Variants in PPP1R9A observed in about 807,000 individuals in gnomAD.
The protein encoded by PPP1R9A is neurabin-1.
PPP1R9A carries 59 observed loss-of-function variants against 141.9 expected under a neutral mutation model. The observed-to-expected ratio is 0.42, with a 90% CI of 0.34 to 0.52. The LOEUF (loss-of-function observed/expected upper bound fraction) is 0.52, where lower values mean the gene tolerates loss of function less well. Ranked by LOEUF, PPP1R9A falls within the 20% of genes least tolerant of loss-of-function variation. The pLI is 0.10. For synonymous variants in PPP1R9A, 500 were observed against 569.7 expected (o/e 0.88, Z 1.74); for missense variants, 1,444 against 1,611.9 (o/e 0.90, Z 1.78).
At chr7:95,114,072 T>C (rs1821042216) in intron 3 of PPP1R9A, among the ~76,000 whole-genome samples, 1 of 152,162 alleles carries the variant, frequency 6.6e-6, no homozygotes, top group Non-Finnish European at 1.5e-5. Flanking sequence ...TGGGCCATCA[T>C]ATTACTTATT....
At chr7:95,045,375 A>G (rs950738865) in intron 2 of PPP1R9A, among the ~76,000 whole-genome samples, 2 of 152,218 alleles carry the variant, frequency 1.3e-5, no homozygotes, top group African/African-American at 4.8e-5. Context: ...GCATCCTTAC[A>G]GGGCCTTGTT....
chr7:94,980,676 T>C (rs1309351307), intron 2 of PPP1R9A, among the ~76,000 whole-genome samples: 1 of 151,938 alleles, frequency 6.6e-6, no homozygotes, highest in Non-Finnish European at 1.5e-5. Context: ...AGTCATAACT[T>C]GCTTTTTGAA....
At chr7:94,999,789 A>ATTT (rs1445608825) in intron 2 of PPP1R9A, among the ~76,000 whole-genome samples, 6 of 148,306 alleles carry the variant, frequency 4.0e-5, no homozygotes. Context: ...TTATTTATTT[A>ATTT]TTTATTTATT....
chr7:95,167,769 C>G (rs1225888583), intron 5 of PPP1R9A, among the ~76,000 whole-genome samples: 1 of 151,292 alleles, frequency 6.6e-6, no homozygotes, highest in Non-Finnish European at 1.5e-5. Context: ...AATGAACTAG[C>G]TGAGAAAGAA....
chr7:95,011,982 G>A (rs1218401353), intron 2 of PPP1R9A, among the ~76,000 whole-genome samples: 1 of 152,108 alleles, frequency 6.6e-6, no homozygotes, highest in Non-Finnish European at 1.5e-5. Context: ...GTGCAGAAAG[G>A]TTTTAGTTGA....
intron 2 of PPP1R9A, among the ~76,000 whole-genome samples, chr7:94,915,188 A>G (rs527535918): frequency 6.4e-4 from 97 of 152,360 alleles, no homozygotes; most frequent in Non-Finnish European, 1.2e-3. Context: ...ATAATCAGCA[A>G]GGGCACCAGA....
intron 2 of PPP1R9A, among the ~76,000 whole-genome samples, chr7:94,947,260 C>T (rs1241757771): frequency 6.6e-6 from 1 of 152,138 alleles, no homozygotes; most frequent in African/African-American, 2.4e-5. Context: ...CAGTGCTGGA[C>T]ACTCCTTTAT....
At chr7:95,170,130 GA>G (rs1831885446) in intron 5 of PPP1R9A, among the ~76,000 whole-genome samples, 1 of 151,474 alleles carries the variant, frequency 6.6e-6, no homozygotes, top group African/African-American at 2.4e-5. Flanking sequence ...CAAATATGCA[GA>G]AGAAAAAATT....
intron 7 of PPP1R9A, among the ~76,000 whole-genome samples, chr7:95,207,505 A>G (rs1224516288): frequency 6.6e-6 from 1 of 152,180 alleles, no homozygotes; most frequent in Non-Finnish European, 1.5e-5. Flanking sequence ...GGTCCTAAAC[A>G]AAATATTAGC....
chr7:95,203,530 G>A (rs1790038654), intron 6 of PPP1R9A, 135 bp from the exon 7 acceptor site: 2 of 540,474 alleles, frequency 3.7e-6, no homozygotes, highest in Admixed American at 3.8e-5. Flanking sequence ...TTACCAACAT[G>A]CCGCAATATT....
At chr7:95,072,768 A>G (rs1168663991) in intron 2 of PPP1R9A, among the ~76,000 whole-genome samples, 2 of 105,242 alleles carry the variant, frequency 1.9e-5, no homozygotes, top group African/African-American at 8.0e-5. Context: ...TTAAATATAT[A>G]TATTAAATAT....
At chr7:95,101,348 T>C (rs1563236815) in intron 2 of PPP1R9A, among the ~76,000 whole-genome samples, 1 of 152,342 alleles carries the variant, frequency 6.6e-6, no homozygotes, top group East Asian at 1.9e-4. Context: ...CATTACTAAA[T>C]GATCCTAATA....
At chr7:95,270,557 G>A (rs12536602) in intron 14 of PPP1R9A, among the ~76,000 whole-genome samples, 4,328 of 152,180 alleles carry the variant, frequency 0.028, 88 homozygotes, top group South Asian at 0.045. Flanking sequence ...TCAAATTAGA[G>A]GAAGTAAAAG....
rs1424247133 is a variant in PPP1R9A at position 94,911,325 on chromosome 7, T to C, written c.1212T>C (p.Tyr404=). Residue 404 remains tyrosine (Y), a synonymous_variant, in exon 2 of 20, where the codon TAT becomes TAC. Coordinates refer to ENST00000433360, the MANE Select transcript of PPP1R9A (RefSeq NM_001166160.2). The part of the protein sequence containing the change: ...HVYMHSDYNV[Y]RVRSRYNSDW... ...ACATGCACAGTGACTATAATGTGTA[T>C]AGGGTGAGATCCAGGTATAATTCAG... 3 of 1,614,068 alleles carry C rather than the reference T, an allele frequency of 1.9e-6. No individual in the cohort carries two copies. The Admixed American group carries it at 5.0e-5, about 27-fold the overall frequency.
chr7:95,111,686 T>C (rs1456346049), intron 3 of PPP1R9A, among the ~76,000 whole-genome samples: 1 of 152,166 alleles, frequency 6.6e-6, no homozygotes, highest in East Asian at 1.9e-4. Context: ...CTGCTACAGC[T>C]GAGAGCCCAG....
At chr7:95,252,296 T>C (rs77695160) in intron 12 of PPP1R9A, among the ~76,000 whole-genome samples, 166 bp downstream of exon 12, 8,940 of 152,102 alleles carry the variant, frequency 0.059, 555 homozygotes, top group East Asian at 0.35. Flanking sequence ...TCTCGTCTTA[T>C]CAAAAATAAA....
At chr7:95,071,747 GGTAA>G (rs1354032926) in intron 2 of PPP1R9A, among the ~76,000 whole-genome samples, 1 of 151,710 alleles carries the variant, frequency 6.6e-6, no homozygotes, top group Non-Finnish European at 1.5e-5. Context: ...AATACATTAA[GGTAA>G]TTATTTTAAT....
intron 2 of PPP1R9A, among the ~76,000 whole-genome samples, chr7:95,083,810 G>C (rs772893225): frequency 6.6e-6 from 1 of 151,946 alleles, no homozygotes; most frequent in East Asian, 1.9e-4. Context: ...AAGAAATAAT[G>C]CTGAAAAATT....
intron 12 of PPP1R9A, among the ~76,000 whole-genome samples, chr7:95,252,751 A>G (rs1799068851): frequency 6.6e-6 from 1 of 152,136 alleles, no homozygotes; most frequent in Admixed American, 6.5e-5. Flanking sequence ...TACAGGCATG[A>G]GCCACCGCGC....
Sources: allele counts gnomAD v4.1 joint callset (sites outside exome capture counted in the v4.1 genomes callset), GRCh38; gene constraint gnomAD v4.1.1; transcripts MANE v1.5; gene names NCBI Gene and HGNC (gene_info 2026-07-23, HGNC 2026-07-21).